FAAH2: variants seen among roughly 807,000 people sequenced by gnomAD.
FAAH2 encodes fatty acid amide hydrolase 2.
A neutral mutation model predicts 36.9 loss-of-function variants in FAAH2; 60 were observed. That is an observed-to-expected ratio of 1.63 (90% CI 1.32 to 2.02). The LOEUF (loss-of-function observed/expected upper bound fraction) is 2.02, where lower values mean the gene tolerates loss of function less well. Ranked by LOEUF, FAAH2 falls within the 30% of genes most tolerant of loss-of-function variation. The pLI is 0.00. For missense variants in FAAH2, 689 were observed against 397.5 expected (o/e 1.73, Z -6.23); for synonymous variants, 214 against 143.8 (o/e 1.49, Z -3.49).
At chrX:57,479,388 G>C (rs192308811) in intron 10 of FAAH2, among the ~76,000 whole-genome samples, 2 of 111,192 alleles carry the variant, frequency 1.8e-5, no homozygotes, top group Non-Finnish European at 3.8e-5. Context: ...GGAGATTTTG[G>C]GCTGAGACAA....
intron 5 of FAAH2, among the ~76,000 whole-genome samples, chrX:57,365,988 T>C (rs1262162307): frequency 8.9e-6 from 1 of 112,243 alleles, no homozygotes; most frequent in Non-Finnish European, 1.9e-5. Context: ...GTTTCTCTTG[T>C]ATGTTGATGA....
intron 3 of FAAH2, among the ~76,000 whole-genome samples, chrX:57,311,271 T>A (rs747645970): frequency 8.9e-6 from 1 of 112,208 alleles, no homozygotes; most frequent in Admixed American, 9.5e-5. Flanking sequence ...TGTAGCTAAA[T>A]TAGTACTTAG....
At chrX:57,336,261 G>A (rs1445767153) in intron 4 of FAAH2, among the ~76,000 whole-genome samples, 1 of 110,552 alleles carries the variant, frequency 9.0e-6, no homozygotes, top group Non-Finnish European at 1.9e-5. Flanking sequence ...CCCCCATTCT[G>A]CCCGCCAGAG....
At chrX:57,308,328 C>G (rs2146885058) in intron 2 of FAAH2, among the ~76,000 whole-genome samples, 1 of 111,453 alleles carries the variant, frequency 9.0e-6, no homozygotes, top group East Asian at 2.8e-4. Context: ...GCCATTCTGA[C>G]TGGTGTGAGA....
the FAAH2 span, among the ~76,000 whole-genome samples, chrX:57,194,219 T>C: frequency 1.8e-5 from 2 of 111,714 alleles, no homozygotes; most frequent in South Asian, 7.5e-4. Flanking sequence ...ATTTGTTTGT[T>C]CAGGTTTGGA....
At chrX:57,399,802 A>G (rs1304669073) in intron 7 of FAAH2, among the ~76,000 whole-genome samples, 1 of 111,798 alleles carries the variant, frequency 8.9e-6, no homozygotes, top group Non-Finnish European at 1.9e-5. Flanking sequence ...TAGAGTCTGT[A>G]TATATATTTA....
chrX:57,238,615 C>A, the FAAH2 span, among the ~76,000 whole-genome samples: 3 of 111,429 alleles, frequency 2.7e-5, no homozygotes, highest in African/African-American at 9.8e-5. Context: ...TGCACAGGTA[C>A]CCCTGAACGT....
At chrX:57,412,500 G>T (rs1225009501) in intron 7 of FAAH2, among the ~76,000 whole-genome samples, 11 of 111,512 alleles carry the variant, frequency 9.9e-5, no homozygotes, top group Non-Finnish European at 2.1e-4. Context: ...GTGTTAGTTT[G>T]CTGAGAATGA....
At chrX:57,369,624 C>T (rs760089218) in intron 5 of FAAH2, among the ~76,000 whole-genome samples, 1 of 111,380 alleles carries the variant, frequency 9.0e-6, no homozygotes, top group African/African-American at 3.3e-5. Flanking sequence ...ACTATTCTTC[C>T]AAAATGAAAG....
intron 8 of FAAH2, among the ~76,000 whole-genome samples, chrX:57,440,473 G>T (rs1205829586): frequency 8.9e-6 from 1 of 111,853 alleles, no homozygotes; most frequent in East Asian, 2.8e-4. Flanking sequence ...CTTTGCTGAA[G>T]TTGCTTATCA....
chrX:57,439,311 G>GT (rs1460767144), intron 8 of FAAH2, among the ~76,000 whole-genome samples: 3 of 110,616 alleles, frequency 2.7e-5, no homozygotes, highest in African/African-American at 9.9e-5. Context: ...GTGTGAGATG[G>GT]TATCTCATTG....
intron 2 of FAAH2, among the ~76,000 whole-genome samples, chrX:57,296,513 C>T (rs769040671): frequency 9.0e-5 from 10 of 111,398 alleles, no homozygotes; most frequent in East Asian, 5.6e-4. Flanking sequence ...AAAAACAGAG[C>T]GGAAAAACCA....
chrX:57,455,214 C>T (rs1192133951), intron 10 of FAAH2, among the ~76,000 whole-genome samples: 1 of 111,231 alleles, frequency 9.0e-6, no homozygotes, highest in African/African-American at 3.3e-5. Flanking sequence ...ACTTCATAAG[C>T]AAACGAGAAA....
chrX:57,417,269 C>T (rs982394878), intron 7 of FAAH2, among the ~76,000 whole-genome samples: 2 of 112,006 alleles, frequency 1.8e-5, no homozygotes, highest in East Asian at 2.8e-4. Context: ...TGTTCCCTTG[C>T]TGGTGAGGAG....
intron 5 of FAAH2, among the ~76,000 whole-genome samples, chrX:57,342,854 T>A (rs1256487417): frequency 6.3e-5 from 7 of 111,875 alleles, no homozygotes; most frequent in African/African-American, 2.3e-4. Flanking sequence ...TAGTTCCACA[T>A]ACAAGTGAGA....
At chrX:57,126,971 A>T in the FAAH2 span, 1 of 111,593 alleles carries the variant, frequency 9.0e-6, no homozygotes, top group South Asian at 3.8e-4. Context: ...AAGAAGAGAG[A>T]ATATGAATAC....
At chrX:57,470,453 G>A (rs1227973285) in intron 10 of FAAH2, among the ~76,000 whole-genome samples, 1 of 111,722 alleles carries the variant, frequency 9.0e-6, no homozygotes, top group Non-Finnish European at 1.9e-5. Flanking sequence ...ACTACCATCA[G>A]AGAATACTAT....
the FAAH2 span, among the ~76,000 whole-genome samples, chrX:57,183,313 G>A: frequency 3.6e-5 from 4 of 111,419 alleles, no homozygotes; most frequent in African/African-American, 6.5e-5. Flanking sequence ...AAGCAGATGG[G>A]AAGTTAGTCA....
the FAAH2 span, among the ~76,000 whole-genome samples, chrX:57,124,172 A>G: frequency 9.0e-6 from 1 of 111,306 alleles, no homozygotes; most frequent in Non-Finnish European, 1.9e-5. Flanking sequence ...TCTTGAATTA[A>G]TTTTTGTATA....
Sources: allele counts gnomAD v4.1 joint callset (sites outside exome capture counted in the v4.1 genomes callset), GRCh38; gene constraint gnomAD v4.1.1; transcripts MANE v1.5; gene names NCBI Gene and HGNC (gene_info 2026-07-23, HGNC 2026-07-21).